ZNF518A: variants seen among roughly 807,000 people sequenced by gnomAD.
The protein encoded by ZNF518A is zinc finger protein 518A.
In ZNF518A, 47 loss-of-function variants were observed where a neutral mutation model predicts 102.7. That is an observed-to-expected ratio of 0.46 (90% CI 0.36 to 0.58). The LOEUF (loss-of-function observed/expected upper bound fraction) is 0.58. ZNF518A is among the 20% of genes least tolerant of loss of function. The probability of loss-of-function intolerance (pLI) is 0.00; values close to 1 mark genes in which losing one functional copy is unlikely to be tolerated. For missense variants in ZNF518A, 1,793 were observed against 1,699.8 expected (o/e 1.05, Z -0.96); for synonymous variants, 652 against 594.6 (o/e 1.10, Z -1.40).
intron 1 of ZNF518A, among the ~76,000 whole-genome samples, chr10:96,183,529 A>G (rs1258370250): frequency 6.6e-6 from 1 of 152,086 alleles, no homozygotes; most frequent in Non-Finnish European, 1.5e-5. Flanking sequence ...GTTCTCATTC[A>G]TTTCAAAGAA....
At chr10:96,147,119 A>C (rs2082206536) in intron 3 of ZNF518A, among the ~76,000 whole-genome samples, 1 of 152,228 alleles carries the variant, frequency 6.6e-6, no homozygotes, top group Admixed American at 6.5e-5. Context: ...TAAGCTCACC[A>C]TGCAGTTGAT....
At chr10:96,168,376 TA>T (rs782808767), downstream of ZNF518A, among the ~76,000 whole-genome samples, 100 of 147,792 alleles carry the variant, frequency 6.8e-4, no homozygotes, top group Admixed American at 1.8e-3. Context: ...TGTTCCAAAT[TA>T]AAAAAAAAAT....
downstream of ZNF518A, among the ~76,000 whole-genome samples, chr10:96,167,579 C>T (rs782331561): frequency 6.6e-6 from 1 of 151,950 alleles, no homozygotes; most frequent in Non-Finnish European, 1.5e-5. Context: ...AATGAAAATT[C>T]TGGAGTTGAA....
At chr10:96,197,947 A>G (rs181615650) in intron 1 of ZNF518A, among the ~76,000 whole-genome samples, 35 of 151,482 alleles carry the variant, frequency 2.3e-4, no homozygotes, top group Non-Finnish European at 3.5e-4. Context: ...AAAAGAAAAA[A>G]AAATCCCCAA....
Position 96,180,900 on chromosome 10 carries a change from G to C in ZNF518A, n.36-22674G>C, listed in dbSNP as rs1398713863. On this transcript the variant is annotated intron_variant and non_coding_transcript_variant, in intron 1 of 2. Coordinates refer to the ZNF518A transcript ENST00000442635. ...GGGACAAATGGTATTTCTAGTTCTA[G>C]ATCCTTGAGGAATTGCCACACTGTC... is the stretch of plus-strand genomic sequence containing the variant. Among the ~76,000 whole-genome samples the C allele has an allele frequency of 2.0e-5, 3 of 152,158 alleles. No individual in the cohort carries two copies. The East Asian group carries it at 5.8e-4, about 29-fold the overall frequency.
chr10:96,199,734 C>T (rs1300152459), intron 1 of ZNF518A, among the ~76,000 whole-genome samples: 1 of 152,132 alleles, frequency 6.6e-6, no homozygotes, highest in Non-Finnish European at 1.5e-5. Flanking sequence ...AATGATCAGA[C>T]CTTGGCCGGG....
At chr10:96,133,015 A>G (rs1453013275) in intron 2 of ZNF518A, 1 of 152,192 alleles carries the variant, frequency 6.6e-6, no homozygotes, top group Non-Finnish European at 1.5e-5. Flanking sequence ...CATAAGTTAT[A>G]TAAGTTATAG....
chr10:96,176,929 T>C (rs1554891544), intron 1 of ZNF518A, among the ~76,000 whole-genome samples: 1 of 151,726 alleles, frequency 6.6e-6, no homozygotes, highest in East Asian at 1.9e-4. Flanking sequence ...TAAAAACAAC[T>C]TAGCTAGGTG....
rs912030967 is a variant in ZNF518A, at chr10:96,196,756, A to C, written n.36-6818A>C. 58 of 732,296 alleles carry C rather than the reference A, an allele frequency of 7.9e-5. No homozygotes were observed. The African/African-American group carries it at 9.9e-4, about 13-fold the overall frequency. 45.4% of individuals were successfully genotyped at this position (732,296 alleles called of 1,614,324 possible). A position where few individuals can be genotyped will look rare whatever the true frequency, so the allele number is the denominator to read the frequency against. The stretch of plus-strand genomic sequence containing the variant: ...CTTATAGGATATACTGCCTAAATAT[A>C]GTATTTTATCTTGTTCTCTATGACA... On this transcript the variant is annotated intron_variant and non_coding_transcript_variant, in intron 1 of 2. Transcript: ENST00000442635.
At chr10:96,198,910 G>A (rs1293406155) in intron 1 of ZNF518A, among the ~76,000 whole-genome samples, 3 of 152,194 alleles carry the variant, frequency 2.0e-5, no homozygotes, top group Non-Finnish European at 4.4e-5. Context: ...TCTTGGCCAG[G>A]CTGGTCTCAA....
intron 3 of ZNF518A, among the ~76,000 whole-genome samples, chr10:96,153,151 C>T (rs2082531632): frequency 6.6e-6 from 1 of 152,218 alleles, no homozygotes; most frequent in African/African-American, 2.4e-5. Context: ...GCTAGAGAGC[C>T]TGGAGTTCTG....
In ZNF518A at chr10:96,159,793, T is replaced by C; in HGVS notation, c.3471T>C (p.Ala1157=). 1.2e-6 allele frequency: 2 copies of C among 1,613,624 alleles called. No homozygotes were observed. The highest frequency in any genetic ancestry group is 1.7e-6 in the Non-Finnish European group (2 of 1,179,766). ...IFNPVLNVTA[A]NNLSVSNSAS... ...ACCCTGTTTTAAATGTGACTGCTGC[T>C]AATAATCTGTCAGTAAGCAACTCTG... is the stretch of plus-strand genomic sequence containing the variant. The change falls in exon 6 of 6, where the codon GCT becomes GCC. Residue 1157 remains alanine, a synonymous_variant. Coordinates refer to ENST00000316045, the MANE Select transcript of ZNF518A (RefSeq NM_001330736.2).
At position 96,158,079 on chromosome 10, in the gene ZNF518A, G is replaced by T; in HGVS notation, c.1757G>T (p.Ser586Ile). Residue 586 changes from serine to isoleucine, a missense_variant, in exon 6 of 6, where the codon AGT becomes ATT. Ser to Ile is a moderately radical substitution (Grantham distance 142, BLOSUM62 -2). Coordinates refer to ENST00000316045, the MANE Select transcript of ZNF518A (RefSeq NM_001330736.2). ...TTCTGGGGAAATCATCTCACTCAGA[G>T]TCACCCCGAGGTATTAGGTACCACC... is the stretch of plus-strand genomic sequence containing the variant. ...VDFWGNHLTQSHPEVLGTTIK... is the reference protein window; with the variant it reads ...VDFWGNHLTQIHPEVLGTTIK... The T allele has an allele frequency of 3.7e-6, 6 of 1,613,614 alleles. No homozygotes were observed. The highest frequency in any genetic ancestry group is 5.1e-6 in the Non-Finnish European group (6 of 1,179,742).
chr10:96,158,735 C>T lies in ZNF518A; in HGVS notation c.2413C>T (p.Pro805Ser), dbSNP rs782348690. The T allele has an allele frequency of 5.6e-6, 9 of 1,613,294 alleles. No homozygotes were observed. The highest frequency in any genetic ancestry group is 7.6e-6 in the Non-Finnish European group (9 of 1,179,522). Residue 805 changes from proline (P) to serine (S), a missense_variant, in exon 6 of 6, where the codon CCA (proline) becomes TCA (serine). Pro to Ser is a moderately conservative substitution (Grantham distance 74). Transcript: ENST00000316045. ...PDVKQDSSNT[P>S]NKGLPLHCDQ... The stretch of plus-strand genomic sequence containing the variant: ...TGTAAAACAAGACTCTAGTAACACT[C>T]CAAATAAAGGCTTGCCACTTCATTG...
At position 96,161,040 on chromosome 10, in the gene ZNF518A, G is replaced by T; in HGVS notation, c.*266G>T. On this transcript the variant is annotated 3_prime_UTR_variant, in exon 6 of 6. Coordinates refer to ENST00000316045, the MANE Select transcript of ZNF518A (RefSeq NM_001330736.2). ...TTTAAACGTGTTCTCGGGAAGTTAG[G>T]GCTAAAGAAAATTTTGATAAAACAA... 3.0e-6 allele frequency: 1 copy of T among 332,964 alleles called. No individual in the cohort carries two copies. Among genetic ancestry groups the T allele is most frequent in the Non-Finnish European group, 5.5e-6 (1 of 180,400 alleles). 20.6% of individuals were successfully genotyped at this position (332,964 alleles called of 1,614,324 possible). A position where few individuals can be genotyped will look rare whatever the true frequency, so the allele number is the denominator to read the frequency against.
At chr10:96,189,603 G>C in intron 1 of ZNF518A, 1 of 694,534 alleles carries the variant, frequency 1.4e-6, no homozygotes, top group South Asian at 1.4e-5. Context: ...TGATGGGTTT[G>C]AGTGTTTTCT....
chr10:96,182,943 G>A (rs1564803922), intron 1 of ZNF518A, among the ~76,000 whole-genome samples: 1 of 152,094 alleles, frequency 6.6e-6, no homozygotes. Flanking sequence ...CTGTGAATCT[G>A]TCTGGTCCTG....
At position 96,158,196 on chromosome 10, in the gene ZNF518A, G is replaced by C. The variant is rs1426173335; in HGVS notation, c.1874G>C (p.Cys625Ser). 1 of 1,613,496 alleles carries C rather than the reference G, an allele frequency of 6.2e-7. No homozygotes were observed. Among genetic ancestry groups the C allele is most frequent in the African/African-American group, 1.3e-5 (1 of 74,914 alleles). The change falls in exon 6 of 6, where the codon TGT (cysteine) becomes TCT (serine). Residue 625 changes from cysteine (C) to serine (S), a missense_variant. By Grantham distance (112) the Cys-to-Ser change is moderately radical. Transcript: ENST00000316045. ...MHNYCINYGN[C>S]ELPVESSNQG... ...AATTATTGCATTAATTATGGCAACT[G>C]TGAGTTACCTGTTGAATCCTCCAAC... is the stretch of plus-strand genomic sequence containing the variant.
intron 1 of ZNF518A, among the ~76,000 whole-genome samples, chr10:96,175,489 A>C (rs1319062565): frequency 6.6e-6 from 1 of 152,200 alleles, no homozygotes; most frequent in Admixed American, 6.5e-5. Flanking sequence ...TTTGGAATGC[A>C]AGAAGTTTAT....
Sources: allele counts gnomAD v4.1 joint callset (sites outside exome capture counted in the v4.1 genomes callset), GRCh38; gene constraint gnomAD v4.1.1; transcripts MANE v1.5; gene names NCBI Gene and HGNC (gene_info 2026-07-23, HGNC 2026-07-21).